Variants in RIMS1 observed in about 807,000 individuals in gnomAD.
RIMS1 encodes the protein regulating synaptic membrane exocytosis 1, also known as regulating synaptic membrane exocytosis protein 1.
In RIMS1, 83 loss-of-function variants were observed where a neutral mutation model predicts 214.1. The observed-to-expected ratio is 0.39, with a 90% CI of 0.32 to 0.47. RIMS1 has a LOEUF of 0.47. RIMS1 is among the 20% of genes least tolerant of loss of function. The pLI is 0.99. For missense variants in RIMS1, 2,050 were observed against 2,161.8 expected (o/e 0.95, Z 1.03); for synonymous variants, 793 against 786.8 (o/e 1.01, Z -0.13).
intron 2 of RIMS1, among the ~76,000 whole-genome samples, chr6:71,995,959 G>C (rs1803282308): frequency 6.6e-6 from 1 of 151,984 alleles, no homozygotes; most frequent in Non-Finnish European, 1.5e-5. Flanking sequence ...GCTAATTTTT[G>C]TTATTTTAAT....
At chr6:72,094,290 T>A (rs1377788970) in intron 2 of RIMS1, among the ~76,000 whole-genome samples, 1 of 152,156 alleles carries the variant, frequency 6.6e-6, no homozygotes, top group East Asian at 1.9e-4. Context: ...TGTACGGTAA[T>A]AAAACATAGT....
At chr6:71,915,433 G>A (rs530109268) in intron 1 of RIMS1, among the ~76,000 whole-genome samples, 13 of 152,266 alleles carry the variant, frequency 8.5e-5, no homozygotes, top group Middle Eastern at 3.4e-3. Flanking sequence ...GCTCTGTGTA[G>A]GTGGTCCAAG....
intron 1 of RIMS1, among the ~76,000 whole-genome samples, 179 bp downstream of exon 1, chr6:71,887,366 C>T (rs1768061581): frequency 6.6e-6 from 1 of 152,022 alleles, no homozygotes; most frequent in African/African-American, 2.4e-5. Context: ...GGTCAGGGGA[C>T]CGGAGGAGGG....
chr6:72,165,352 C>T (rs530322677), intron 4 of RIMS1, among the ~76,000 whole-genome samples: 1 of 152,026 alleles, frequency 6.6e-6, no homozygotes, highest in South Asian at 2.1e-4. Flanking sequence ...TGTTTAAATT[C>T]TCCATGTTTT....
rs376460908 is a variant in RIMS1, at chr6:72,181,878, CTCCT to C, written c.813-402_813-399del. On this transcript the variant is annotated intron_variant, in intron 5 of 33. Transcript: ENST00000521978. Reference sequence around the variant, plus strand: ...GCAAAGAATCAGAGACACTGGAGAACTCCTTCCATTTGCATGACACTCTACCCTT... The same window carrying C: ...GCAAAGAATCAGAGACACTGGAGAACTCCATTTGCATGACACTCTACCCTT... Among the ~76,000 whole-genome samples the C allele has an allele frequency of 4.5e-3, 680 of 152,280 alleles. 7 individuals are homozygous for C. The highest frequency in any genetic ancestry group is 0.016 in the African/African-American group (664 of 41,536).
chr6:71,949,564 T>TAAGTATACC (rs1788840690), intron 1 of RIMS1, among the ~76,000 whole-genome samples: 1 of 152,182 alleles, frequency 6.6e-6, no homozygotes, highest in Non-Finnish European at 1.5e-5. Context: ...AAATGAAGAA[T>TAAGTATACC]AAGTATACCC....
intron 4 of RIMS1, among the ~76,000 whole-genome samples, chr6:72,133,265 T>C (rs528992454): frequency 2.0e-5 from 3 of 151,804 alleles, no homozygotes; most frequent in East Asian, 1.9e-4. Context: ...AGTCTCACTC[T>C]GTTCCCCAGG....
At chr6:71,899,531 G>A (rs1165685805) in intron 1 of RIMS1, among the ~76,000 whole-genome samples, 1 of 151,878 alleles carries the variant, frequency 6.6e-6, no homozygotes, top group East Asian at 1.9e-4. Context: ...CATCTCACCT[G>A]TGCCTCCATA....
chr6:71,992,938 G>A (rs1221842070), intron 2 of RIMS1, among the ~76,000 whole-genome samples: 1 of 152,184 alleles, frequency 6.6e-6, no homozygotes, highest in Admixed American at 6.5e-5. Flanking sequence ...AGGGATTACA[G>A]GTGTGAGCCA....
chr6:71,964,590 AG>A (rs1793915360), intron 1 of RIMS1, among the ~76,000 whole-genome samples: 1 of 152,192 alleles, frequency 6.6e-6, no homozygotes, highest in Non-Finnish European at 1.5e-5. Flanking sequence ...AGAGAAAACA[AG>A]GAGTCAAGTC....
At chr6:72,399,659 T>A (rs932962687) in intron 33 of RIMS1, among the ~76,000 whole-genome samples, 1 of 85,014 alleles carries the variant, frequency 1.2e-5, no homozygotes, top group African/African-American at 4.8e-5. Context: ...ATAAGTATCA[T>A]TATCCCCATT....
intron 6 of RIMS1, among the ~76,000 whole-genome samples, chr6:72,223,947 C>T (rs1402058526): frequency 4.7e-5 from 5 of 105,938 alleles, no homozygotes; most frequent in Non-Finnish European, 7.7e-5. Context: ...GACTCCGTCT[C>T]AAAAAAAAAA....
intron 4 of RIMS1, among the ~76,000 whole-genome samples, chr6:72,119,285 T>A (rs977809629): frequency 7.3e-5 from 11 of 151,678 alleles, no homozygotes; most frequent in African/African-American, 2.4e-4. Flanking sequence ...ACAAGGAAAG[T>A]GCAAAATGCT....
intron 2 of RIMS1, among the ~76,000 whole-genome samples, chr6:72,002,816 T>C (rs909470442): frequency 3.3e-5 from 5 of 152,080 alleles, no homozygotes; most frequent in African/African-American, 1.2e-4. Context: ...ACCTGGAGTG[T>C]TGTTTACCCT....
At position 72,313,564 on chromosome 6, in the gene RIMS1, A is replaced by G. The variant is rs1484322293; in HGVS notation, c.4022A>G (p.Asp1341Gly). ...SCDNVSAKSS[D>G]SDVSDVSAIS... ...GATAACGTCTCTGCCAAATCATCAGATAGTGATGTCAGTGATGTTTCCGCC... is the reference window on the plus strand; with the variant it reads ...GATAACGTCTCTGCCAAATCATCAGGTAGTGATGTCAGTGATGTTTCCGCC... The change falls in exon 28 of 34, where the codon GAT becomes GGT. Residue 1341 changes from aspartate (D) to glycine (G), a missense_variant. Physicochemically the swap from Asp to Gly is moderately conservative, Grantham distance 94 (BLOSUM62 -1). This residue lies in a region of RIMS1 where 889 missense variants were observed against 885.5 expected (regional missense o/e 1.00). Coordinates refer to ENST00000521978, the MANE Select transcript of RIMS1 (RefSeq NM_014989.7). 2 of 1,613,704 alleles carry G rather than the reference A, an allele frequency of 1.2e-6. No individual in the cohort carries two copies. The highest frequency in any genetic ancestry group is 1.7e-6 in the Non-Finnish European group (2 of 1,179,814).
At chr6:72,287,025 T>C (rs2092450534) in intron 24 of RIMS1, among the ~76,000 whole-genome samples, 1 of 152,216 alleles carries the variant, frequency 6.6e-6, no homozygotes, top group South Asian at 2.1e-4. Flanking sequence ...TGGAAGCTTC[T>C]TGATAAGATA....
At chr6:72,143,984 AAGTAAACATGTCCTGGACCAC>A (rs2042391434) in intron 4 of RIMS1, among the ~76,000 whole-genome samples, 1 of 152,228 alleles carries the variant, frequency 6.6e-6, no homozygotes, top group African/African-American at 2.4e-5. Context: ...CAATAATAGC[AAGTAAACATGTCCTGGACCAC>A]AGTATTTTGG....
chr6:71,892,525 G>A (rs912646228), intron 1 of RIMS1, among the ~76,000 whole-genome samples: 1 of 152,068 alleles, frequency 6.6e-6, no homozygotes, highest in African/African-American at 2.4e-5. Context: ...GGCTTCCGCA[G>A]TTCTGGCCCC....
chr6:72,065,779 T>C (rs1829140420), intron 2 of RIMS1, among the ~76,000 whole-genome samples: 1 of 152,190 alleles, frequency 6.6e-6, no homozygotes, highest in Non-Finnish European at 1.5e-5. Context: ...TGGTAAATGA[T>C]GGAGCTGAGA....
Sources: gnomAD v4.1 joint callset for allele counts (sites outside exome capture counted in the v4.1 genomes callset) on GRCh38, gnomAD v4.1.1 for gene constraint, gnomAD v4.1.1 regional missense constraint, MANE v1.5 for transcripts, NCBI Gene and HGNC (gene_info 2026-07-23, HGNC 2026-07-21) for gene names.